The following DAB2IP variants were observed in gnomAD, a reference collection of about 807,000 sequenced individuals.
The protein encoded by DAB2IP is disabled homolog 2-interacting protein.
Under a neutral mutation model 107.2 loss-of-function variants are expected in DAB2IP, and 28 were observed. That is an observed-to-expected ratio of 0.26 (90% CI 0.19 to 0.36). DAB2IP has a LOEUF of 0.36. Among genes scored for constraint, DAB2IP ranks in the 10% least tolerant of loss-of-function variants. The pLI is 1.00. For missense variants in DAB2IP, 1,400 were observed against 1,644.7 expected (o/e 0.85, Z 2.57); for synonymous variants, 755 against 706.4 (o/e 1.07, Z -1.09).
chr9:121,740,684 C>G (rs191827427), intron 3 of DAB2IP, among the ~76,000 whole-genome samples: 1 of 152,192 alleles, frequency 6.6e-6, no homozygotes. Flanking sequence ...TTGGCATACA[C>G]AGCTGGAGAT....
intron 10 of DAB2IP, among the ~76,000 whole-genome samples, chr9:121,770,342 A>T (rs906644121): frequency 4.6e-5 from 7 of 152,132 alleles, no homozygotes; most frequent in Admixed American, 3.3e-4. Flanking sequence ...TGCCCTAGAA[A>T]TGTCCGGGAG....
intron 1 of DAB2IP, among the ~76,000 whole-genome samples, chr9:121,630,817 A>G (rs1831850441): frequency 6.6e-6 from 1 of 152,092 alleles, no homozygotes; most frequent in South Asian, 2.1e-4. Flanking sequence ...CATGTTGGCC[A>G]GGCTGGTCTC....
chr9:121,606,951 T>C (rs1352877360), intron 1 of DAB2IP, among the ~76,000 whole-genome samples: 1 of 152,060 alleles, frequency 6.6e-6, no homozygotes, highest in African/African-American at 2.4e-5. Flanking sequence ...ATTTTCATAT[T>C]TTTAGTAGAG....
intron 1 of DAB2IP, among the ~76,000 whole-genome samples, chr9:121,641,818 C>T (rs1482101162): frequency 2.6e-5 from 4 of 151,770 alleles, no homozygotes; most frequent in Admixed American, 1.3e-4. Context: ...TTTCCTTCTT[C>T]CTTCCTCTTT....
Position 121,699,233 on chromosome 9 carries a change from C to T in DAB2IP, c.229-92C>T. On this transcript the variant is annotated intron_variant, in intron 2 of 15. Transcript: ENST00000408936. The surrounding 1 kb of genome is among the most constrained non-coding windows in gnomAD (Gnocchi z 6.2). ...CGGCCCGCCCTCGGCCGCGCGGCCGCCCAGCAAGGGTGCGGGTCCCGCGCG... is the reference window on the plus strand; with the variant it reads ...CGGCCCGCCCTCGGCCGCGCGGCCGTCCAGCAAGGGTGCGGGTCCCGCGCG... 2 of 1,047,984 alleles carry T rather than the reference C, an allele frequency of 1.9e-6. No homozygotes were observed. The highest frequency in any genetic ancestry group is 2.3e-6 in the Non-Finnish European group (2 of 870,518). 64.9% of individuals were successfully genotyped at this position (1,047,984 alleles called of 1,614,324 possible). A position where few individuals can be genotyped will look rare whatever the true frequency, so the allele number is the denominator to read the frequency against.
chr9:121,607,303 G>C (rs1044769751), intron 1 of DAB2IP, among the ~76,000 whole-genome samples: 3 of 151,472 alleles, frequency 2.0e-5, no homozygotes, highest in African/African-American at 7.3e-5. Flanking sequence ...TCATTCCTTT[G>C]GGTTTTTCTT....
At chr9:121,610,193 A>G (rs1393279025) in intron 1 of DAB2IP, among the ~76,000 whole-genome samples, 1 of 152,186 alleles carries the variant, frequency 6.6e-6, no homozygotes, top group African/African-American at 2.4e-5. Flanking sequence ...ACAGCTTCCC[A>G]GGATAGTGGC....
At chr9:121,753,424 A>G (rs1046457569) in intron 3 of DAB2IP, among the ~76,000 whole-genome samples, 2 of 152,174 alleles carry the variant, frequency 1.3e-5, no homozygotes, top group Non-Finnish European at 2.9e-5. Flanking sequence ...CAATTGGGCC[A>G]CCTTCTCTTC....
At chr9:121,643,315 G>A (rs1832426577) in intron 1 of DAB2IP, among the ~76,000 whole-genome samples, 1 of 151,964 alleles carries the variant, frequency 6.6e-6, no homozygotes, top group Non-Finnish European at 1.5e-5. Context: ...GAGGCACCGT[G>A]ACTTATTCAA....
intron 1 of DAB2IP, among the ~76,000 whole-genome samples, chr9:121,601,504 C>T (rs2118953628): frequency 6.6e-6 from 1 of 152,292 alleles, no homozygotes; most frequent in Middle Eastern, 3.4e-3. Context: ...TCTGGAACAA[C>T]CCTTGGGGCA....
intron 1 of DAB2IP, among the ~76,000 whole-genome samples, chr9:121,666,926 A>T: frequency 6.8e-6 from 1 of 146,606 alleles, no homozygotes; most frequent in African/African-American, 2.5e-5. Flanking sequence ...AACACTCTTA[A>T]ATAGACGTAC....
chr9:121,607,285 T>C (rs1178588349), intron 1 of DAB2IP, among the ~76,000 whole-genome samples: 2 of 152,008 alleles, frequency 1.3e-5, no homozygotes, highest in Non-Finnish European at 2.9e-5. Context: ...TATGTTCACA[T>C]ACTCCTATCA....
At chr9:121,588,736 G>A (rs1208286182) in intron 1 of DAB2IP, among the ~76,000 whole-genome samples, 2 of 151,928 alleles carry the variant, frequency 1.3e-5, no homozygotes, top group African/African-American at 4.8e-5. Flanking sequence ...GAGCTGGGAT[G>A]CCCCTTCAGA....
chr9:121,640,562 C>T (rs949172735), intron 1 of DAB2IP, among the ~76,000 whole-genome samples: 1 of 151,480 alleles, frequency 6.6e-6, no homozygotes, highest in South Asian at 2.1e-4. Flanking sequence ...CCCACCTCCC[C>T]CCACACCATG....
intron 1 of DAB2IP, among the ~76,000 whole-genome samples, chr9:121,572,006 C>T (rs1271884723): frequency 6.6e-6 from 1 of 151,958 alleles, no homozygotes; most frequent in Admixed American, 6.6e-5. Flanking sequence ...TGTGACTGTC[C>T]CCTCTGGTGC....
chr9:121,771,051 A>C (rs761347401), intron 11 of DAB2IP, among the ~76,000 whole-genome samples: 1 of 152,208 alleles, frequency 6.6e-6, no homozygotes, highest in Non-Finnish European at 1.5e-5. Flanking sequence ...TACCCCCAGC[A>C]TTTCCAGATC....
chr9:121,743,582 C>T (rs1222257078), intron 3 of DAB2IP, among the ~76,000 whole-genome samples: 4 of 152,198 alleles, frequency 2.6e-5, no homozygotes, highest in Non-Finnish European at 4.4e-5. Context: ...TTAGTCCCAG[C>T]GGACAGGGCT....
intron 14 of DAB2IP, among the ~76,000 whole-genome samples, chr9:121,780,250 C>CAAAT (rs1320370394): frequency 6.6e-6 from 1 of 152,158 alleles, no homozygotes; most frequent in Non-Finnish European, 1.5e-5. Context: ...CTTAATAAAA[C>CAAAT]AAATACCCTC....
chr9:121,782,287 G>A lies in DAB2IP; in HGVS notation c.3403-44G>A. Reference sequence around the variant, plus strand: ...TTGTCGTAGGTATACACAGCCCTAAGGAGCCTGTCCCATGACCCCCGCTCA... The same window carrying A: ...TTGTCGTAGGTATACACAGCCCTAAAGAGCCTGTCCCATGACCCCCGCTCA... On this transcript the variant is annotated intron_variant, in intron 15 of 15. Coordinates refer to ENST00000408936, the Ensembl canonical transcript of DAB2IP. The surrounding 1 kb of genome is among the most constrained non-coding windows in gnomAD (Gnocchi z 6.1). 1 of 1,597,520 alleles carries A rather than the reference G, an allele frequency of 6.3e-7. No individual in the cohort carries two copies. Among genetic ancestry groups the A allele is most frequent in the Non-Finnish European group, 8.6e-7 (1 of 1,168,680 alleles).
Sources: allele counts gnomAD v4.1 joint callset (sites outside exome capture counted in the v4.1 genomes callset), GRCh38; gene constraint gnomAD v4.1.1; non-coding constraint Gnocchi (gnomAD v3.1); transcripts MANE v1.5; gene names NCBI Gene and HGNC (gene_info 2026-07-23, HGNC 2026-07-21).